Variants in FYB1 observed in about 807,000 individuals in gnomAD.
The protein encoded by FYB1 is FYN binding protein 1.
A neutral mutation model predicts 94.1 loss-of-function variants in FYB1; 41 were observed. That is an observed-to-expected ratio of 0.44 (90% confidence interval 0.34 to 0.57). The LOEUF (loss-of-function observed/expected upper bound fraction) is 0.57, where lower values mean the gene tolerates loss of function less well. Ranked by LOEUF, FYB1 falls within the 20% of genes least tolerant of loss-of-function variation. FYB1 has a pLI of 0.02. For missense variants in FYB1, 1,050 were observed against 976.8 expected (o/e 1.07, Z -1.00); for synonymous variants, 367 against 353.2 (o/e 1.04, Z -0.44).
intron 2 of FYB1, among the ~76,000 whole-genome samples, chr5:39,181,162 G>A (rs1226881810): frequency 6.6e-6 from 1 of 152,224 alleles, no homozygotes; most frequent in Admixed American, 6.5e-5. Flanking sequence ...GTATGATGTT[G>A]TGGGAAATAT....
At position 39,202,612 on chromosome 5, in the gene FYB1, G is replaced by C. The variant is rs1441705326; in HGVS notation, c.349C>G (p.Pro117Ala). 1.2e-6 allele frequency: 2 copies of C among 1,613,858 alleles called. No homozygotes were observed. Among genetic ancestry groups the C allele is most frequent in the Non-Finnish European group, 1.7e-6 (2 of 1,179,872 alleles). The change falls in exon 2 of 19, where the codon CCC becomes GCC. Residue 117 changes from proline (P) to alanine (A), a missense_variant. Coordinates refer to ENST00000512982, the MANE Select transcript of FYB1 (RefSeq NM_001465.6). ...GAATCTTCTTTGGGCAAGTTGATGG[G>C]CTTGGGGCCTACAGGTTTCAGAAAT... ...VGFLKPVGPK[P>A]INLPKEDSKP...
chr5:39,199,647 G>A (rs538633978), intron 2 of FYB1, among the ~76,000 whole-genome samples: 5 of 152,202 alleles, frequency 3.3e-5, no homozygotes, highest in East Asian at 1.9e-4. Flanking sequence ...GTAAAAAGCC[G>A]GGGTGGGGGG....
intron 1 of FYB1, among the ~76,000 whole-genome samples, chr5:39,243,984 C>T (rs1266527269): frequency 2.0e-5 from 3 of 152,002 alleles, no homozygotes; most frequent in African/African-American, 4.8e-5. Flanking sequence ...TTTTTGCACA[C>T]TGATTTTGTA....
At chr5:39,210,602 A>G (rs894628021) in intron 1 of FYB1, among the ~76,000 whole-genome samples, 3 of 152,194 alleles carry the variant, frequency 2.0e-5, no homozygotes, top group Non-Finnish European at 4.4e-5. Flanking sequence ...TCATTCTACA[A>G]ATTCGAACCT....
At position 39,135,001 on chromosome 5, in the gene FYB1, A is replaced by G. The variant is rs764193822; in HGVS notation, c.1529T>C (p.Ile510Thr). 2 of 1,613,854 alleles carry G rather than the reference A, an allele frequency of 1.2e-6. No homozygotes were observed. Among genetic ancestry groups the G allele is most frequent in the Non-Finnish European group, 1.7e-6 (2 of 1,179,802 alleles). Residue 510 changes from isoleucine (I) to threonine (T), a missense_variant, in exon 8 of 19, where the codon ATT becomes ACT. Ile to Thr is a moderately conservative substitution (Grantham distance 89). Transcript: ENST00000512982. ...IKKKFKLTGP[I>T]QVIHLAKACC... is the part of the protein sequence containing the mutation. ...AGCTTTTGCAAGATGGATGACTTGAATAGGGCCTGTTAGCTGCAAAGAGAA... is the reference window on the plus strand; with the variant it reads ...AGCTTTTGCAAGATGGATGACTTGAGTAGGGCCTGTTAGCTGCAAAGAGAA...
intron 3 of FYB1, among the ~76,000 whole-genome samples, chr5:39,148,922 A>G (rs541154104): frequency 6.6e-6 from 1 of 152,302 alleles, no homozygotes; most frequent in Non-Finnish European, 1.5e-5. Context: ...TTCTGTTTCA[A>G]TATGAAAAAT....
chr5:39,196,617 G>A (rs1478395330), intron 2 of FYB1, among the ~76,000 whole-genome samples: 1 of 152,184 alleles, frequency 6.6e-6, no homozygotes, highest in Non-Finnish European at 1.5e-5. Flanking sequence ...GCTTATAGTG[G>A]TATTTACAAA....
At chr5:39,219,691 G>A, upstream of FYB1, 1 of 685,166 alleles carries the variant, frequency 1.5e-6, no homozygotes, top group Non-Finnish European at 1.8e-6. Flanking sequence ...GAGTAATAAG[G>A]AGGAGAAAGG....
intron 1 of FYB1, among the ~76,000 whole-genome samples, chr5:39,248,652 C>A (rs1285762063): frequency 1.3e-5 from 2 of 152,186 alleles, no homozygotes; most frequent in Non-Finnish European, 2.9e-5. Flanking sequence ...GCCTGGCCAA[C>A]ATGGCGAAAC....
At chr5:39,145,930 T>C (rs765457496) in intron 3 of FYB1, among the ~76,000 whole-genome samples, 51 of 151,548 alleles carry the variant, frequency 3.4e-4, no homozygotes, top group Middle Eastern at 3.2e-3. Flanking sequence ...TTCTTTTTTT[T>C]AAGACAGAGT....
Position 39,254,185 on chromosome 5 carries a change from A to G in FYB1, c.-28+20218T>C, listed in dbSNP as rs528061970. On this transcript the variant is annotated intron_variant, in intron 1 of 1. Coordinates refer to the FYB1 transcript ENST00000510188. ...GTGCATGTATCTTTATAATAGAACA[A>G]TTTATATTCCTTTGGCTCTATACTC... is the stretch of plus-strand genomic sequence containing the variant. 3.7e-4 allele frequency among the ~76,000 whole-genome samples: 57 copies of G among 152,280 alleles called. 3 individuals are homozygous for G. In the South Asian group the frequency reaches 0.012, roughly 32 times the overall value.
At chr5:39,145,379 T>C (rs1473821921) in intron 3 of FYB1, among the ~76,000 whole-genome samples, 4 of 152,160 alleles carry the variant, frequency 2.6e-5, no homozygotes, top group African/African-American at 7.2e-5. Context: ...ATACACGCAA[T>C]ATGAAACATC....
At chr5:39,193,004 T>C (rs1747498254) in intron 2 of FYB1, among the ~76,000 whole-genome samples, 1 of 151,132 alleles carries the variant, frequency 6.6e-6, no homozygotes. Flanking sequence ...GCTTACACAA[T>C]GATGGCCCTC....
intron 14 of FYB1, among the ~76,000 whole-genome samples, chr5:39,122,125 G>A (rs992732160): frequency 2.0e-5 from 3 of 151,964 alleles, no homozygotes; most frequent in African/African-American, 7.3e-5. Context: ...GGAAGGGGTG[G>A]AGGTGGGGGC....
At chr5:39,230,024 T>C (rs1579267) in intron 1 of FYB1, among the ~76,000 whole-genome samples, 25,625 of 152,114 alleles carry the variant, frequency 0.17, 5,766 homozygotes, top group African/African-American at 0.5. Flanking sequence ...CTTTATACTG[T>C]TTCCAACATA....
chr5:39,152,839 G>A (rs997767536), intron 3 of FYB1, among the ~76,000 whole-genome samples: 3 of 152,170 alleles, frequency 2.0e-5, no homozygotes. Flanking sequence ...CTGTATTATT[G>A]TTTAATTAAA....
Position 39,153,326 on chromosome 5 carries a change from C to A in FYB1, c.1292+122G>T, listed in dbSNP as rs1284426629. On this transcript the variant is annotated intron_variant, in intron 3 of 18. Transcript: ENST00000512982. ...CCAGCTCAGCCAGCTCTTCTCCCTG[C>A]CAGCTGCCCACTTTTGTAGACCCAG... 13 of 1,225,196 alleles carry A rather than the reference C, an allele frequency of 1.1e-5. No individual in the cohort carries two copies. The South Asian group carries it at 1.4e-4, about 13-fold the overall frequency. 75.9% of individuals were successfully genotyped at this position (1,225,196 alleles called of 1,614,324 possible). A position where few individuals can be genotyped will look rare whatever the true frequency, so the allele number is the denominator to read the frequency against.
intron 2 of FYB1, among the ~76,000 whole-genome samples, chr5:39,195,963 T>A (rs1378859337): frequency 3.5e-5 from 1 of 28,202 alleles, no homozygotes; most frequent in African/African-American, 6.6e-5. Context: ...AAAATTTAGC[T>A]TCATGATCAG....
chr5:39,221,423 C>T (rs942928206), upstream of FYB1, among the ~76,000 whole-genome samples: 6 of 152,168 alleles, frequency 3.9e-5, no homozygotes, highest in Non-Finnish European at 5.9e-5. Context: ...TGTTGTGTCT[C>T]TTTTGCTGCA....
Sources: gnomAD v4.1 joint callset for allele counts (sites outside exome capture counted in the v4.1 genomes callset) on GRCh38, gnomAD v4.1.1 for gene constraint, MANE v1.5 for transcripts, NCBI Gene and HGNC (gene_info 2026-07-23, HGNC 2026-07-21) for gene names.